SPRY4: variants seen among roughly 807,000 people sequenced by gnomAD.
The protein encoded by SPRY4 is protein sprouty homolog 4.
SPRY4 carries 7 observed loss-of-function variants against 17.0 expected under a neutral mutation model. The ratio of observed to expected loss-of-function variants is 0.41; its 90% confidence interval spans 0.23 to 0.77. The LOEUF is 0.77. Among genes scored for constraint, SPRY4 ranks in the 30% least tolerant of loss-of-function variants. The pLI, the probability that SPRY4 is intolerant of heterozygous loss-of-function variation, is 0.32. For missense variants in SPRY4, 435 were observed against 419.9 expected, an observed-to-expected ratio of 1.04 and a Z score of -0.31; for synonymous variants, 183 against 174.1, an observed-to-expected ratio of 1.05 and a Z score of -0.40.
chr5:142,311,960 G>GTGTA lies in SPRY4; in HGVS notation c.*2248_*2249insTACA, dbSNP rs1490650730. On this transcript the variant is annotated 3_prime_UTR_variant, in exon 2 of 2. Transcript: ENST00000434127. ...GGTGTGTGTGTGTGTGTGTGTGTGT[G>GTGTA]TATACACAGCTTATGTAAATCGACT... 4 of 152,448 alleles carry GTGTA rather than the reference G, an allele frequency of 2.6e-5. No individual in the cohort carries two copies. The highest frequency in any genetic ancestry group is 9.7e-5 in the African/African-American group (4 of 41,198). 9.4% of individuals were successfully genotyped at this position (152,448 alleles called of 1,614,324 possible). A position where few individuals can be genotyped will look rare whatever the true frequency, so the allele number is the denominator to read the frequency against.
intron 1 of SPRY4, chr5:142,317,128 T>C (rs960989556): frequency 2.2e-5 from 22 of 985,354 alleles, no homozygotes; most frequent in Middle Eastern, 1.0e-3. Flanking sequence ...CTGGAGATCC[T>C]GTGGTCAGGG....
At chr5:142,315,667 T>C (rs1356650504) in intron 1 of SPRY4, 1 of 153,862 alleles carries the variant, frequency 6.5e-6, no homozygotes, top group African/African-American at 2.4e-5. Flanking sequence ...CTAGCAATAT[T>C]GCTATGAATG....
intron 1 of SPRY4, among the ~76,000 whole-genome samples, chr5:142,323,711 T>A (rs770303942): frequency 2.6e-5 from 4 of 152,146 alleles, no homozygotes; most frequent in Non-Finnish European, 5.9e-5. Context: ...GAAACCGTCT[T>A]CTTGCACAAG....
intron 1 of SPRY4, chr5:142,319,882 C>T: frequency 1.6e-6 from 2 of 1,273,174 alleles, no homozygotes; most frequent in Non-Finnish European, 2.1e-6. Context: ...CTTGACTTAC[C>T]CTAGGGAGGT....
intron 1 of SPRY4, 185 bp from the exon 2 acceptor site, chr5:142,315,340 G>A: frequency 1.7e-6 from 1 of 571,514 alleles, no homozygotes; most frequent in East Asian, 2.8e-5. Context: ...GAAGTCAGTG[G>A]TGGAAATAAT....
chr5:142,315,132 CG>C lies in SPRY4; in HGVS notation c.-25del. On this transcript the variant is annotated 5_prime_UTR_variant, in exon 2 of 2. Transcript: ENST00000434127. ...ATGGGGCTGGAGGTCCTGGACTGTA[CG>C]GAGAAACAGGCTTCTAGGGGCCCTG... 6.3e-7 allele frequency: 1 copy of C among 1,591,446 alleles called. No individual in the cohort carries two copies. The highest frequency in any genetic ancestry group is 8.5e-7 in the Non-Finnish European group (1 of 1,172,620).
At chr5:142,322,087 C>A (rs1759360096) in intron 1 of SPRY4, among the ~76,000 whole-genome samples, 1 of 152,190 alleles carries the variant, frequency 6.6e-6, no homozygotes, top group African/African-American at 2.4e-5. Context: ...CTCTGGTTTA[C>A]CAAAGTTGGG....
At position 142,318,094 on chromosome 5, in the gene SPRY4, A is replaced by C. The variant is rs1759219002; in HGVS notation, c.-47-2939T>G. The C allele has an allele frequency of 3.0e-6, 3 of 985,206 alleles. No homozygotes were observed. In the South Asian group the frequency reaches 1.4e-4, roughly 46 times the overall value. The allele number at this position is 985,206 out of a possible 1,614,324, so 61.0% of individuals were successfully genotyped here. A position where few individuals can be genotyped will look rare whatever the true frequency, so the allele number is the denominator to read the frequency against. On this transcript the variant is annotated intron_variant, in intron 1 of 1. Coordinates refer to ENST00000434127, the MANE Select transcript of SPRY4 (RefSeq NM_001127496.3). ...CCCTCCAAGAGCCTCTGCTGAATTT[A>C]TGTGGCTGACAAAGGAAAACAATTT...
At chr5:142,322,652 G>A (rs1759385535) in intron 1 of SPRY4, among the ~76,000 whole-genome samples, 1 of 151,980 alleles carries the variant, frequency 6.6e-6, no homozygotes, top group Non-Finnish European at 1.5e-5. Context: ...CATGGAGCTG[G>A]GCAGGAGGGC....
intron 1 of SPRY4, among the ~76,000 whole-genome samples, chr5:142,321,760 A>C (rs13362006): frequency 0.31 from 46,619 of 152,126 alleles, 7,415 homozygotes; most frequent in South Asian, 0.36. Context: ...TTCTGAATAA[A>C]GAGGGAGGGC....
At chr5:142,316,389 T>G (rs1736623675) in intron 1 of SPRY4, among the ~76,000 whole-genome samples, 1 of 152,196 alleles carries the variant, frequency 6.6e-6, no homozygotes, top group Non-Finnish European at 1.5e-5. Flanking sequence ...TTTGGAATTC[T>G]GCTGGAGATC....
At chr5:142,321,745 G>A (rs950759615) in intron 1 of SPRY4, among the ~76,000 whole-genome samples, 3 of 152,162 alleles carry the variant, frequency 2.0e-5, no homozygotes, top group Admixed American at 6.5e-5. Flanking sequence ...AGAAACACTG[G>A]ACTTTTCTGA....
chr5:142,321,443 C>A (rs1321406982), intron 1 of SPRY4, among the ~76,000 whole-genome samples: 1 of 152,184 alleles, frequency 6.6e-6, no homozygotes, highest in Non-Finnish European at 1.5e-5. Context: ...GTTCACCTAC[C>A]CCTGGCTCTT....
At chr5:142,318,179 GA>G in intron 1 of SPRY4, 1 of 981,130 alleles carries the variant, frequency 1.0e-6, no homozygotes, top group Non-Finnish European at 1.2e-6. Flanking sequence ...AAAAAAAAAA[GA>G]AAGAAAAAAA....
rs188723280 is a variant in SPRY4 at position 142,314,001 on chromosome 5, A to G, written c.*208T>C. On this transcript the variant is annotated 3_prime_UTR_variant, in exon 2 of 2. Transcript: ENST00000434127. This position sits in a 1 kb window ranked among gnomAD's most constrained non-coding sequence, Gnocchi z 4.8. ...TGACACAAAGTTTCAGGACCCTGAA[A>G]AAAAGCCCCAAAGTGCTTCTTCATC... 3.2e-5 allele frequency: 19 copies of G among 597,482 alleles called. No homozygotes were observed. The highest frequency in any genetic ancestry group is 4.5e-4 in the Middle Eastern group (1 of 2,240). 37.0% of individuals were successfully genotyped at this position (597,482 alleles called of 1,614,324 possible).
intron 1 of SPRY4, chr5:142,319,588 G>T: frequency 1.0e-6 from 1 of 990,412 alleles, no homozygotes. Context: ...CCCTGGCCCA[G>T]GTCTGTGAGG....
rs991236892 is a variant in SPRY4 at position 142,313,831 on chromosome 5, G to C, written c.*378C>G. 2 of 193,488 alleles carry C rather than the reference G, an allele frequency of 1.0e-5. No homozygotes were observed. Among genetic ancestry groups the C allele is most frequent in the Non-Finnish European group, 2.2e-5 (2 of 92,330 alleles). 12.0% of individuals were successfully genotyped at this position (193,488 alleles called of 1,614,324 possible). Reference sequence around the variant, plus strand: ...AGACAATGGAAAAGAGGAAGGGGGGGGGGGCGGAGGGAGGGAGGGAGAAGG... The same window carrying C: ...AGACAATGGAAAAGAGGAAGGGGGGCGGGGCGGAGGGAGGGAGGGAGAAGG... On this transcript the variant is annotated 3_prime_UTR_variant, in exon 2 of 2. Transcript: ENST00000434127.
At chr5:142,318,710 T>C (rs375893177) in intron 1 of SPRY4, among the ~76,000 whole-genome samples, 1 of 152,066 alleles carries the variant, frequency 6.6e-6, no homozygotes, top group Non-Finnish European at 1.5e-5. Flanking sequence ...TGGAAGAGAC[T>C]GATGGCCAAT....
At chr5:142,318,719 A>G (rs1360020931) in intron 1 of SPRY4, among the ~76,000 whole-genome samples, 2 of 152,100 alleles carry the variant, frequency 1.3e-5, no homozygotes, top group African/African-American at 4.8e-5. Flanking sequence ...CTGATGGCCA[A>G]TTTGGAAGAC....
Sources: allele counts gnomAD v4.1 joint callset (sites outside exome capture counted in the v4.1 genomes callset), GRCh38; gene constraint gnomAD v4.1.1; non-coding constraint Gnocchi (gnomAD v3.1); transcripts MANE v1.5; gene names NCBI Gene and HGNC (gene_info 2026-07-23, HGNC 2026-07-21).